Variants in TET3 observed in about 807,000 individuals in gnomAD.
TET3 encodes the protein tet methylcytosine dioxygenase 3.
TET3 carries 19 observed loss-of-function variants against 141.4 expected under a neutral mutation model. The observed-to-expected ratio is 0.13, with a 90% CI of 0.09 to 0.20. The LOEUF is 0.20. TET3 is among the 10% of genes least tolerant of loss of function. TET3 has a pLI of 1.00. For synonymous variants in TET3, 1,043 were observed against 980.9 expected, an observed-to-expected ratio of 1.06 and a Z score of -1.18; for missense variants, 1,874 against 2,356.9, an observed-to-expected ratio of 0.80 and a Z score of 4.24.
At chr2:74,007,398 T>C (rs1352606689) in intron 3 of TET3, among the ~76,000 whole-genome samples, 3 of 152,156 alleles carry the variant, frequency 2.0e-5, no homozygotes, top group Admixed American at 6.5e-5. Context: ...AGGAGGGCAG[T>C]GGGGTCAGAA....
At chr2:74,134,413 G>A in the TET3 span, 12 of 273,254 alleles carry the variant, frequency 4.4e-5, no homozygotes, top group East Asian at 9.5e-5. Context: ...ATTACAAAAC[G>A]GGGGCACAAT....
chr2:74,080,215 C>T (rs867407020), intron 5 of TET3, among the ~76,000 whole-genome samples: 7 of 152,200 alleles, frequency 4.6e-5, no homozygotes, highest in South Asian at 2.1e-4. Flanking sequence ...TCGGAGGTAA[C>T]GATCAGGGAC....
chr2:74,131,656 C>T, the TET3 span, among the ~76,000 whole-genome samples: 2 of 152,192 alleles, frequency 1.3e-5, no homozygotes, highest in Non-Finnish European at 2.9e-5. Context: ...CAGCCGGCAC[C>T]TCAGGGAACT....
the TET3 span, among the ~76,000 whole-genome samples, chr2:74,133,369 C>T: frequency 2.0e-5 from 3 of 152,238 alleles, no homozygotes; most frequent in Admixed American, 6.5e-5. Flanking sequence ...CACAGTTTCT[C>T]TTGGTCAGAA....
In TET3 at chr2:74,003,182, G is replaced by C; in HGVS notation, c.360+16G>C. ...GGCTGTCAAGGTACCTTGTGTGTGT[G>C]CGTGCGTGTGTGTGCGTGTGTGTGG... On this transcript the variant is annotated intron_variant, in intron 3 of 11. Coordinates refer to ENST00000409262, the MANE Select transcript of TET3 (RefSeq NM_001287491.2). The C allele has an allele frequency of 6.5e-7, 1 of 1,546,568 alleles. No individual in the cohort carries two copies. Among genetic ancestry groups the C allele is most frequent in the African/African-American group, 1.4e-5 (1 of 71,744 alleles).
intron 6 of TET3, among the ~76,000 whole-genome samples, chr2:74,086,114 T>G (rs1283130742): frequency 6.6e-6 from 1 of 152,218 alleles, no homozygotes; most frequent in East Asian, 1.9e-4. Context: ...AGTTCCCGCC[T>G]CAAGGCCCTG....
the TET3 span, among the ~76,000 whole-genome samples, chr2:74,126,722 C>T: frequency 6.6e-6 from 1 of 152,090 alleles, no homozygotes; most frequent in Non-Finnish European, 1.5e-5. Flanking sequence ...CCAGCATGGT[C>T]TCAATCTCCT....
rs748113769 is a variant in TET3, at chr2:74,103,690, A to G, written c.*1514A>G. 6.5e-6 allele frequency: 1 copy of G among 153,268 alleles called. No individual in the cohort carries two copies. Among genetic ancestry groups the G allele is most frequent in the Non-Finnish European group, 1.5e-5 (1 of 68,030 alleles). 9.5% of individuals were successfully genotyped at this position (153,268 alleles called of 1,614,324 possible). On this transcript the variant is annotated 3_prime_UTR_variant, in exon 12 of 12. Coordinates refer to ENST00000409262, the MANE Select transcript of TET3 (RefSeq NM_001287491.2). The stretch of plus-strand genomic sequence containing the variant: ...ACGTTGTCGAGAGAGGTTGGGCCTG[A>G]TGGGAGCAACACTCATCATCACCAA...
At chr2:74,033,756 A>G (rs1214909814) in intron 3 of TET3, among the ~76,000 whole-genome samples, 1 of 152,236 alleles carries the variant, frequency 6.6e-6, no homozygotes, top group Non-Finnish European at 1.5e-5. Flanking sequence ...TTGCCAAAAA[A>G]TGCTAACAAA....
intron 10 of TET3, among the ~76,000 whole-genome samples, chr2:74,096,985 C>T (rs1690873466): frequency 6.7e-6 from 1 of 150,038 alleles, no homozygotes; most frequent in Admixed American, 6.6e-5. Context: ...CCCAGCTACT[C>T]AGGAGGCTGA....
chr2:74,099,844 G>A (rs779896319), intron 11 of TET3, among the ~76,000 whole-genome samples: 1 of 152,110 alleles, frequency 6.6e-6, no homozygotes, highest in Non-Finnish European at 1.5e-5. Context: ...GAAGCACTGG[G>A]TTTCTCCTCT....
At chr2:74,004,450 TC>T (rs1247249948) in intron 3 of TET3, among the ~76,000 whole-genome samples, 1 of 152,118 alleles carries the variant, frequency 6.6e-6, no homozygotes, top group Non-Finnish European at 1.5e-5. Flanking sequence ...GATAGGGACT[TC>T]TAGGTGAGGC....
Position 74,101,816 on chromosome 2 carries a change from G to A in TET3, c.5028G>A (p.Thr1676=), listed in dbSNP as rs759531552. The change falls in exon 12 of 12, where the codon ACG becomes ACA. Residue 1676 remains threonine, a synonymous_variant. Coordinates refer to ENST00000409262, the MANE Select transcript of TET3 (RefSeq NM_001287491.2). This position sits in a 1 kb window ranked among gnomAD's most constrained non-coding sequence, Gnocchi z 8.5. ...ECARRELHAT[T]PLKKPNRCHP... ...CCCGGCGGGAGCTGCACGCCACCAC[G>A]CCGCTTAAGAAGCCCAACCGCTGCC... 12 of 1,612,792 alleles carry A rather than the reference G, an allele frequency of 7.4e-6. No individual in the cohort carries two copies. Among genetic ancestry groups the A allele is most frequent in the African/African-American group, 4.0e-5 (3 of 74,902 alleles).
At chr2:74,127,504 A>T in the TET3 span, among the ~76,000 whole-genome samples, 1 of 152,208 alleles carries the variant, frequency 6.6e-6, no homozygotes, top group Non-Finnish European at 1.5e-5. Context: ...GTAGACTACC[A>T]GCTTTAGGCA....
intron 3 of TET3, among the ~76,000 whole-genome samples, chr2:74,009,921 G>A (rs1685339112): frequency 6.6e-6 from 1 of 152,238 alleles, no homozygotes; most frequent in African/African-American, 2.4e-5. Flanking sequence ...TATGAGGGCT[G>A]GAAGCTCTGG....
At chr2:74,006,790 A>T (rs1380528180) in intron 3 of TET3, among the ~76,000 whole-genome samples, 3 of 151,976 alleles carry the variant, frequency 2.0e-5, no homozygotes, top group African/African-American at 7.3e-5. Context: ...TTTCGGCCTC[A>T]TTTCCTCTCA....
At chr2:74,071,623 A>G (rs1004754922) in intron 4 of TET3, among the ~76,000 whole-genome samples, 6 of 152,246 alleles carry the variant, frequency 3.9e-5, no homozygotes, top group East Asian at 3.8e-4. Flanking sequence ...ACTGTTAACT[A>G]CAGACTTTTT....
At chr2:74,123,827 C>T in the TET3 span, among the ~76,000 whole-genome samples, 5 of 151,780 alleles carry the variant, frequency 3.3e-5, no homozygotes, top group African/African-American at 4.8e-5. Context: ...TGTCTCTGCC[C>T]GGCCGCCCAT....
chr2:74,015,621 ACTT>A (rs1685688871), intron 3 of TET3, among the ~76,000 whole-genome samples: 2 of 152,174 alleles, frequency 1.3e-5, no homozygotes, highest in Non-Finnish European at 2.9e-5. Context: ...TTATAATTTA[ACTT>A]CTTATTGATG....
Sources: gnomAD v4.1 joint callset for allele counts (sites outside exome capture counted in the v4.1 genomes callset) on GRCh38, gnomAD v4.1.1 for gene constraint, Gnocchi (gnomAD v3.1) non-coding constraint, MANE v1.5 for transcripts, NCBI Gene and HGNC (gene_info 2026-07-23, HGNC 2026-07-21) for gene names.